NOL8: variants seen among roughly 807,000 people sequenced by gnomAD.
NOL8 encodes the protein nucleolar protein Nop132.
In NOL8, 93 loss-of-function variants were observed where a neutral mutation model predicts 116.1. The observed-to-expected ratio is 0.80, with a 90% CI of 0.68 to 0.95. The LOEUF (loss-of-function observed/expected upper bound fraction) is 0.95. NOL8 is among the 40% of genes least tolerant of loss of function. The probability of loss-of-function intolerance (pLI) is 0.00; values close to 1 mark genes in which losing one functional copy is unlikely to be tolerated. For synonymous variants in NOL8, 419 were observed against 469.0 expected, an observed-to-expected ratio of 0.89 and a Z score of 1.38; for missense variants, 1,291 against 1,382.8, an observed-to-expected ratio of 0.93 and a Z score of 1.05.
At chr9:92,307,107 A>G (rs1197245083) in intron 10 of NOL8, 83 bp from the exon 11 acceptor site, 3 of 1,363,418 alleles carry the variant, frequency 2.2e-6, no homozygotes, top group Admixed American at 2.2e-5. Flanking sequence ...CCAAGTACCT[A>G]AACATGTTCA....
rs150343533 is a variant in NOL8 at position 92,314,658 on chromosome 9, C to G, written c.1967G>C (p.Arg656Pro). The G allele has an allele frequency of 2.5e-6, 4 of 1,613,498 alleles. No individual in the cohort carries two copies. Among genetic ancestry groups the G allele is most frequent in the Non-Finnish European group, 8.5e-7 (1 of 1,179,670 alleles). Residue 656 changes from arginine (R) to proline (P), a missense_variant, in exon 7 of 17, where the codon CGC becomes CCC. Coordinates refer to ENST00000442668, the MANE Select transcript of NOL8 (RefSeq NM_017948.6). ...AGAACTGCTAGGGGACACTGCCTTG[C>G]GATCCTGGCTTTCAAAAGTGGTCTG... The part of the protein sequence containing the change: ...KRQTTFESQD[R>P]KAVSPSSSEK...
chr9:92,299,586 A>T (rs910221478), intron 14 of NOL8, among the ~76,000 whole-genome samples: 2 of 152,054 alleles, frequency 1.3e-5, no homozygotes, highest in African/African-American at 4.8e-5. Flanking sequence ...CCTCGCCTCT[A>T]CTAAAAATAC....
At chr9:92,303,546 C>CT (rs1352797976) in intron 12 of NOL8, among the ~76,000 whole-genome samples, 1 of 152,186 alleles carries the variant, frequency 6.6e-6, no homozygotes, top group African/African-American at 2.4e-5. Context: ...CCTGCAAAGT[C>CT]TTATCTATTT....
intron 6 of NOL8, among the ~76,000 whole-genome samples, chr9:92,317,544 T>C (rs1043570701): frequency 2.6e-5 from 4 of 152,198 alleles, no homozygotes; most frequent in African/African-American, 9.6e-5. Flanking sequence ...AGCTGTGAGC[T>C]CAGAGGACAC....
In NOL8 at chr9:92,315,217, C is replaced by A. The variant is rs758724731; in HGVS notation, c.1408G>T (p.Gly470Ter). 3 of 1,613,900 alleles carry A rather than the reference C, an allele frequency of 1.9e-6. No individual in the cohort carries two copies. The highest frequency in any genetic ancestry group is 2.5e-6 in the Non-Finnish European group (3 of 1,179,892). The change falls in exon 7 of 17, where the codon GGA becomes TGA. Residue 470 changes from glycine to a stop codon, truncating the protein, a stop_gained. Coordinates refer to ENST00000442668, the MANE Select transcript of NOL8 (RefSeq NM_017948.6). LOFTEE classifies it high-confidence loss of function. ...DSASELADSE[G>*]GEEYNAMMKN... ...ATCATGGCATTATACTCCTCACCTC[C>A]TTCAGAGTCAGCTAATTCTGATGCA...
chr9:92,305,622 C>G (rs989885080), intron 12 of NOL8, 131 bp downstream of exon 12: 20 of 685,046 alleles, frequency 2.9e-5, no homozygotes, highest in Non-Finnish European at 5.2e-5. Flanking sequence ...TCTACCTGCA[C>G]TACCCCTACC....
intron 13 of NOL8, chr9:92,300,849 C>G (rs1271149290): frequency 9.5e-7 from 1 of 1,055,810 alleles, no homozygotes; most frequent in Non-Finnish European, 1.2e-6. Context: ...ATCTACCAAA[C>G]ACATGTATGC....
rs750640072 is a variant in NOL8 at position 92,299,968 on chromosome 9, TC to T, written c.3223del (p.Glu1075LysfsTer59). ...TVKPGKIVWQ[E>X]DPRLQDSSSE... ...ACTGCTGTCTTGTAAACGAGGGTCT[TC>T]CTGCCAGACAATCTTTCCAGGTTTC... On this transcript the variant is annotated frameshift_variant, in exon 14 of 17. Coordinates refer to ENST00000442668, the MANE Select transcript of NOL8 (RefSeq NM_017948.6). LOFTEE classifies it high-confidence loss of function. The T allele has an allele frequency of 6.2e-7, 1 of 1,613,710 alleles. No individual in the cohort carries two copies. Among genetic ancestry groups the T allele is most frequent in the Non-Finnish European group, 8.5e-7 (1 of 1,179,706 alleles).
At position 92,298,004 on chromosome 9, in the gene NOL8, C is replaced by T. The variant is rs1006007556; in HGVS notation, c.3454-118G>A. The T allele has an allele frequency of 4.4e-6, 4 of 900,966 alleles. No homozygotes were observed. In the South Asian group the frequency reaches 6.9e-5, roughly 15 times the overall value. 55.8% of individuals were successfully genotyped at this position (900,966 alleles called of 1,614,324 possible). A position where few individuals can be genotyped will look rare whatever the true frequency, so the allele number is the denominator to read the frequency against. On this transcript the variant is annotated intron_variant, in intron 16 of 16. Coordinates refer to ENST00000442668, the MANE Select transcript of NOL8 (RefSeq NM_017948.6). ...GCTGTGGAAACCTATTTTGAAAGTG[C>T]TCTTTTGAAATGAAGAGGGGATATT...
intron 13 of NOL8, chr9:92,300,693 C>T (rs1564202356): frequency 4.6e-6 from 5 of 1,088,946 alleles, no homozygotes; most frequent in Non-Finnish European, 5.7e-6. Flanking sequence ...ATTTGCAATA[C>T]TTTTTGAACA....
intron 11 of NOL8, 48 bp from the exon 12 acceptor site, chr9:92,305,878 T>G (rs761876786): frequency 1.5e-6 from 2 of 1,307,530 alleles, no homozygotes; most frequent in Non-Finnish European, 2.2e-6. Flanking sequence ...AACAGAACAC[T>G]AATACAAAAA....
rs1839353822 is a variant in NOL8 at position 92,315,892 on chromosome 9, TCTC to T, written c.730_732del (p.Glu244del). The T allele has an allele frequency of 1.2e-6, 2 of 1,613,756 alleles. No individual in the cohort carries two copies. Among genetic ancestry groups the T allele is most frequent in the African/African-American group, 2.7e-5 (2 of 74,906 alleles). On this transcript the variant is annotated inframe_deletion, in exon 7 of 17. Coordinates refer to ENST00000442668, the MANE Select transcript of NOL8 (RefSeq NM_017948.6). ...GCCTGTTGCTGTGTTAAGGGTGGTC[TCTC>T]TATTACCCTCCTGGGCCTTGTACTC...
chr9:92,298,095 C>T (rs1837396636), intron 16 of NOL8, among the ~76,000 whole-genome samples, 162 bp downstream of exon 16: 1 of 152,136 alleles, frequency 6.6e-6, no homozygotes, highest in Non-Finnish European at 1.5e-5. Context: ...CTGATGCTTT[C>T]GTGTTACTTA....
chr9:92,319,611 T>C (rs1426621646), intron 4 of NOL8, among the ~76,000 whole-genome samples: 1 of 152,260 alleles, frequency 6.6e-6, no homozygotes, highest in Non-Finnish European at 1.5e-5. Context: ...ATCTTGTTAA[T>C]ATTTTGTTTA....
At chr9:92,316,209 A>C in intron 6 of NOL8, 71 bp from the exon 7 acceptor site, 2 of 1,465,780 alleles carry the variant, frequency 1.4e-6, no homozygotes, top group Non-Finnish European at 1.8e-6. Context: ...GATACAAAAA[A>C]TATTGCTTAA....
intron 7 of NOL8, among the ~76,000 whole-genome samples, 181 bp from the exon 8 acceptor site, chr9:92,311,440 T>C (rs1370260672): frequency 6.6e-6 from 1 of 152,188 alleles, no homozygotes. Context: ...AGAAAATATT[T>C]GCAAACTATG....
In NOL8 at chr9:92,297,847, T is replaced by C. The variant is rs1837366728; in HGVS notation, c.3493A>G (p.Lys1165Glu). 1 of 1,550,050 alleles carries C rather than the reference T, an allele frequency of 6.5e-7. No homozygotes were observed. Among genetic ancestry groups the C allele is most frequent in the African/African-American group, 1.4e-5 (1 of 73,018 alleles). ...CCAGCTGACATTTATTATTTTGGTT[T>C]CATTTTCCTTTTTGCGTCTTTATGT... ...KKHKDAKRKMKPK is the reference protein window; with the variant it reads ...KKHKDAKRKMEPK The change falls in exon 17 of 17, where the codon AAA (lysine) becomes GAA (glutamate). Residue 1165 changes from lysine to glutamate, a missense_variant. Transcript: ENST00000442668.
chr9:92,323,045 A>G (rs944412538), intron 3 of NOL8: 3 of 169,706 alleles, frequency 1.8e-5, no homozygotes, highest in African/African-American at 7.1e-5. Context: ...TTTCAAGGAT[A>G]CGGTCTTACA....
At chr9:92,317,580 G>T (rs895750773) in intron 6 of NOL8, among the ~76,000 whole-genome samples, 2 of 152,162 alleles carry the variant, frequency 1.3e-5, no homozygotes, top group Non-Finnish European at 2.9e-5. Flanking sequence ...TAGTCCCAGT[G>T]GGGTAGTGGT....
Sources: allele counts gnomAD v4.1 joint callset (sites outside exome capture counted in the v4.1 genomes callset), GRCh38; gene constraint gnomAD v4.1.1; transcripts MANE v1.5; gene names NCBI Gene and HGNC (gene_info 2026-07-23, HGNC 2026-07-21).